NEFH: variants seen among roughly 807,000 people sequenced by gnomAD.
NEFH encodes the protein neurofilament heavy polypeptide.
In NEFH, 58 loss-of-function variants were observed where a neutral mutation model predicts 56.6. The ratio of observed to expected loss-of-function variants is 1.03; its 90% CI spans 0.83 to 1.28. NEFH has a LOEUF of 1.28. Ranked by LOEUF, NEFH falls within the 50% of genes most tolerant of loss-of-function variation. The pLI is 0.00. For synonymous variants in NEFH, 542 were observed against 545.8 expected (o/e 0.99, Z 0.10); for missense variants, 1,221 against 1,307.6 (o/e 0.93, Z 1.02).
rs773338492 is a variant in NEFH at position 29,480,431 on chromosome 22, T to G, written c.169T>G (p.Ser57Ala). Residue 57 changes from serine (S) to alanine (A), a missense_variant, in exon 1 of 4, where the codon TCC becomes GCC. This residue lies in a region of NEFH where 640 missense variants were observed against 555.5 expected (regional missense o/e 1.15). Transcript: ENST00000310624. Reference protein sequence around the residue: ...FHSWTRTSVSSVSASPSRFRG... With the variant: ...FHSWTRTSVSAVSASPSRFRG... ...CTCGTGGACACGGACGTCCGTGAGC[T>G]CCGTGTCCGCCTCGCCCAGCCGCTT... 8 of 1,531,784 alleles carry G rather than the reference T, an allele frequency of 5.2e-6. No individual in the cohort carries two copies. The South Asian group carries it at 8.4e-5, about 16-fold the overall frequency. 94.9% of individuals were successfully genotyped at this position (1,531,784 alleles called of 1,614,324 possible).
intron 3 of NEFH, among the ~76,000 whole-genome samples, chr22:29,488,391 GA>G (rs67015509): frequency 2.7e-5 from 4 of 148,538 alleles, no homozygotes; most frequent in South Asian, 2.1e-4. Context: ...TCAAAAAAAG[GA>G]AAAAAAAAAG....
chr22:29,485,895 G>A lies in NEFH; in HGVS notation c.1208+48G>A, dbSNP rs4823040. 0.96 allele frequency: 1,542,669 copies of A among 1,612,196 alleles called. 738,316 individuals carry two copies. Among genetic ancestry groups the A allele is most frequent in the East Asian group, 1 (44,884 of 44,886 alleles). ...CATGGTGAAGAAAGCTTGTGTTCCT[G>A]CGAGACGCTAAGCCTTGGGTTTCAA... On this transcript the variant is annotated intron_variant, in intron 3 of 3. Transcript: ENST00000310624.
rs1353318343 is a variant in NEFH at position 29,483,327 on chromosome 22, C to T, written c.884-48C>T. The T allele has an allele frequency of 1.9e-6, 3 of 1,540,824 alleles. No homozygotes were observed. In the African/African-American group the frequency reaches 4.1e-5, roughly 21 times the overall value. On this transcript the variant is annotated intron_variant, in intron 1 of 3. Transcript: ENST00000310624. ...AAAGAAAAAAATCTGGGCATTAGAACCCAGTCCAGGTGTGTCTAACCCTGT... is the reference window on the plus strand; with the variant it reads ...AAAGAAAAAAATCTGGGCATTAGAATCCAGTCCAGGTGTGTCTAACCCTGT...
Position 29,486,305 on chromosome 22 carries a change from G to A in NEFH, c.1208+458G>A, listed in dbSNP as rs5997481. Reference sequence around the variant, plus strand: ...CTCCCAAAGTCCTGGGATTACAGGCGAGAGCCACCATGACCAGCCCCATTC... The same window carrying A: ...CTCCCAAAGTCCTGGGATTACAGGCAAGAGCCACCATGACCAGCCCCATTC... On this transcript the variant is annotated intron_variant, in intron 3 of 3. Transcript: ENST00000310624. 8.7e-3 allele frequency among the ~76,000 whole-genome samples: 1,313 copies of A among 151,624 alleles called. 23 individuals are homozygous for A. The highest frequency in any genetic ancestry group is 0.03 in the African/African-American group (1,233 of 41,338).
At chr22:29,483,779 A>G (rs1240494522) in intron 2 of NEFH, among the ~76,000 whole-genome samples, 1 of 151,700 alleles carries the variant, frequency 6.6e-6, no homozygotes, top group African/African-American at 2.4e-5. Flanking sequence ...AAAAAAAAAA[A>G]AAAAAAAAAG....
intron 3 of NEFH, among the ~76,000 whole-genome samples, chr22:29,487,265 G>A (rs2063049827): frequency 1.3e-5 from 2 of 152,080 alleles, no homozygotes; most frequent in Non-Finnish European, 2.9e-5. Context: ...CTTGGCTCTC[G>A]TCTGTAATCT....
intron 3 of NEFH, among the ~76,000 whole-genome samples, chr22:29,487,264 C>T (rs1156869827): frequency 1.3e-5 from 2 of 152,130 alleles, no homozygotes; most frequent in Non-Finnish European, 2.9e-5. Context: ...TCTTGGCTCT[C>T]GTCTGTAATC....
At position 29,490,398 on chromosome 22, in the gene NEFH, G is replaced by A. The variant is rs761313335; in HGVS notation, c.2758G>A (p.Ala920Thr). Residue 920 changes from alanine (A) to threonine (T), a missense_variant, in exon 4 of 4, where the codon GCT becomes ACT. By Grantham distance (58) the Ala-to-Thr change is moderately conservative. Transcript: ENST00000310624. ...APAKVEVKED[A>T]KPKEKTEVAK... ...TGCCAAGGTGGAGGTGAAGGAAGACGCTAAACCCAAAGAAAAGACAGAGGT... is the reference window on the plus strand; with the variant it reads ...TGCCAAGGTGGAGGTGAAGGAAGACACTAAACCCAAAGAAAAGACAGAGGT... 18 of 1,611,854 alleles carry A rather than the reference G, an allele frequency of 1.1e-5. No homozygotes were observed. The highest frequency in any genetic ancestry group is 6.6e-5 in the South Asian group (6 of 90,628).
At chr22:29,487,556 T>C (rs1192671308) in intron 3 of NEFH, among the ~76,000 whole-genome samples, 1 of 152,066 alleles carries the variant, frequency 6.6e-6, no homozygotes, top group Non-Finnish European at 1.5e-5. Flanking sequence ...CACCTGAGCC[T>C]GGGAGTTGGA....
intron 2 of NEFH, among the ~76,000 whole-genome samples, chr22:29,485,030 C>T (rs2063036205): frequency 6.6e-6 from 1 of 152,108 alleles, no homozygotes; most frequent in African/African-American, 2.4e-5. Flanking sequence ...GAAATGAGGT[C>T]TCACTGTGTT....
intron 3 of NEFH, among the ~76,000 whole-genome samples, chr22:29,488,366 G>C (rs1198966576): frequency 6.6e-6 from 1 of 151,346 alleles, no homozygotes; most frequent in Admixed American, 6.6e-5. Flanking sequence ...CTAGGTGACA[G>C]AGCAAGACTC....
rs529197663 is a variant in NEFH, at chr22:29,490,296, A to G, written c.2656A>G (p.Lys886Glu). The G allele has an allele frequency of 3.7e-6, 6 of 1,612,952 alleles. No homozygotes were observed. The African/African-American group carries it at 4.0e-5, about 11-fold the overall frequency. The change falls in exon 4 of 4, where the codon AAA becomes GAA. Residue 886 changes from lysine (K) to glutamate (E), a missense_variant. Physicochemically the swap from Lys to Glu is moderately conservative, Grantham distance 56 (BLOSUM62 1). Transcript: ENST00000310624. ...EKKEPAVEKP[K>E]ESKVEAKKEE... ...GAAGGAACCTGCTGTCGAAAAGCCC[A>G]AAGAATCCAAAGTTGAAGCCAAGAA...
At position 29,480,760 on chromosome 22, in the gene NEFH, G is replaced by A. The variant is rs896378933; in HGVS notation, c.498G>A (p.Gln166=). The A allele has an allele frequency of 6.9e-7, 1 of 1,447,912 alleles. No individual in the cohort carries two copies. Among genetic ancestry groups the A allele is most frequent in the Non-Finnish European group, 9.0e-7 (1 of 1,111,822 alleles). The allele number at this position is 1,447,912 out of a possible 1,614,324, so 89.7% of individuals were successfully genotyped here. A position where few individuals can be genotyped will look rare whatever the true frequency, so the allele number is the denominator to read the frequency against. Residue 166 remains glutamine, a synonymous_variant, in exon 1 of 4, where the codon CAG becomes CAA. Transcript: ENST00000310624. ...AVLRLGAARG[Q]LRLEQEHLLE... is the part of the protein sequence containing the mutation. ...TGCGCCTGGGCGCGGCGCGCGGTCAGCTACGCCTGGAGCAGGAGCACCTGC... is the reference window on the plus strand; with the variant it reads ...TGCGCCTGGGCGCGGCGCGCGGTCAACTACGCCTGGAGCAGGAGCACCTGC...
Position 29,489,779 on chromosome 22 carries a change from G to A in NEFH, c.2139G>A (p.Lys713=). The change falls in exon 4 of 4, where the codon AAG becomes AAA. Residue 713 remains lysine (K), a synonymous_variant. Transcript: ENST00000310624. ...CTGAGAAGGCCAAGTCCCCAGTGAAGGAAGAAGCAAAGTCCCCTGAGAAGG... is the reference window on the plus strand; with the variant it reads ...CTGAGAAGGCCAAGTCCCCAGTGAAAGAAGAAGCAAAGTCCCCTGAGAAGG... ...KSPEKAKSPV[K]EEAKSPEKAK... The A allele has an allele frequency of 6.2e-7, 1 of 1,611,026 alleles. No individual in the cohort carries two copies. The highest frequency in any genetic ancestry group is 2.2e-5 in the East Asian group (1 of 44,632).
chr22:29,489,084 G>C lies in NEFH; in HGVS notation c.1444G>C (p.Glu482Gln). ...EEEEKEAKEE[E>Q]GKEEEGGEEE... is the part of the protein sequence containing the mutation. ...AGAGGAGAAAGAGGCCAAAGAGGAG[G>C]AGGGCAAGGAGGAAGAAGGGGGTGA... Residue 482 changes from glutamate to glutamine, a missense_variant, in exon 4 of 4, where the codon GAG becomes CAG. By Grantham distance (29) the Glu-to-Gln change is conservative. Transcript: ENST00000310624. 6.2e-7 allele frequency: 1 copy of C among 1,613,474 alleles called. No homozygotes were observed. The highest frequency in any genetic ancestry group is 1.7e-4 in the Middle Eastern group (1 of 6,058).
chr22:29,483,253 T>C (rs2063022260), intron 1 of NEFH, 122 bp from the exon 2 acceptor site: 1 of 922,056 alleles, frequency 1.1e-6, no homozygotes, highest in Non-Finnish European at 1.6e-6. Context: ...CCCTCCAGCC[T>C]GGGCGAGAGC....
In NEFH at chr22:29,489,859, T is replaced by A. The variant is rs464517; in HGVS notation, c.2219T>A (p.Val740Glu). Residue 740 changes from valine (V) to glutamate (E), a missense_variant, in exon 4 of 4, where the codon GTG (valine) becomes GAG (glutamate). Physicochemically the swap from Val to Glu is moderately radical, Grantham distance 121 (BLOSUM62 -2). This residue lies in a region of NEFH where 301 missense variants were observed against 346.6 expected (regional missense o/e 0.87). Coordinates refer to ENST00000310624, the MANE Select transcript of NEFH (RefSeq NM_021076.4). ...AKTPEKAKSPVKEEAKSPEKA... is the reference protein window; with the variant it reads ...AKTPEKAKSPEKEEAKSPEKA... ...ACCCCCGAGAAGGCCAAGTCCCCAG[T>A]GAAGGAAGAAGCTAAGTCCCCAGAG... 2 of 1,548,178 alleles carry A rather than the reference T, an allele frequency of 1.3e-6. No homozygotes were observed. Among genetic ancestry groups the A allele is most frequent in the Admixed American group, 1.9e-5 (1 of 53,546 alleles).
Position 29,490,894 on chromosome 22 carries a change from C to T in NEFH, c.*191C>T, listed in dbSNP as rs1161826984. On this transcript the variant is annotated 3_prime_UTR_variant, in exon 4 of 4. Transcript: ENST00000310624. ...TAGCAAGAGAGGGCACTCCCAGGCC[C>T]CTGCCCCCAGGCCCTCCCCAGGCGA... is the stretch of plus-strand genomic sequence containing the variant. 9.2e-6 allele frequency: 10 copies of T among 1,083,038 alleles called. No homozygotes were observed. Among genetic ancestry groups the T allele is most frequent in the African/African-American group, 4.8e-5 (3 of 63,040 alleles). 67.1% of individuals were successfully genotyped at this position (1,083,038 alleles called of 1,614,324 possible). A position where few individuals can be genotyped will look rare whatever the true frequency, so the allele number is the denominator to read the frequency against.
chr22:29,490,356 C>G lies in NEFH; in HGVS notation c.2716C>G (p.Pro906Ala). Residue 906 changes from proline to alanine, a missense_variant, in exon 4 of 4, where the codon CCA becomes GCA. Around this residue, in one of 4 missense-constraint regions of NEFH, gnomAD observed 301 missense variants for 346.6 expected, o/e 0.87. Coordinates refer to ENST00000310624, the MANE Select transcript of NEFH (RefSeq NM_021076.4). ...EAEDKKKVPT[P>A]EKEAPAKVEV... ...TGAAGATAAGAAAAAAGTCCCCACCCCAGAGAAGGAGGCTCCTGCCAAGGT... is the reference window on the plus strand; with the variant it reads ...TGAAGATAAGAAAAAAGTCCCCACCGCAGAGAAGGAGGCTCCTGCCAAGGT... 6.2e-7 allele frequency: 1 copy of G among 1,613,312 alleles called. No homozygotes were observed. The highest frequency in any genetic ancestry group is 8.5e-7 in the Non-Finnish European group (1 of 1,179,724).
Sources: allele counts gnomAD v4.1 joint callset (sites outside exome capture counted in the v4.1 genomes callset), GRCh38; gene constraint gnomAD v4.1.1; regional missense constraint gnomAD v4.1.1; transcripts MANE v1.5; gene names NCBI Gene and HGNC (gene_info 2026-07-23, HGNC 2026-07-21).